AATK: variants seen among roughly 807,000 people sequenced by gnomAD.
AATK encodes the protein lemur tail kinase 1, also known as serine/threonine-protein kinase LMTK1.
AATK carries 91 observed loss-of-function variants against 114.3 expected under a neutral mutation model. The observed-to-expected ratio is 0.80, with a 90% CI of 0.67 to 0.95. AATK has a LOEUF of 0.95. AATK is among the 40% of genes least tolerant of loss of function. The pLI is 0.00. For missense variants in AATK, 2,176 were observed against 1,965.2 expected (o/e 1.11, Z -2.03); for synonymous variants, 1,075 against 916.5 (o/e 1.17, Z -3.12).
intron 2 of AATK, chr17:81,131,752 G>A (rs569942201): frequency 2.5e-5 from 30 of 1,179,910 alleles, no homozygotes; most frequent in Admixed American, 2.9e-5. Flanking sequence ...CTCCCATGGC[G>A]CAGCTTCGGG....
intron 13 of AATK, 58 bp downstream of exon 13, chr17:81,119,322 G>T: frequency 8.4e-7 from 1 of 1,193,220 alleles, no homozygotes; most frequent in Non-Finnish European, 1.1e-6. Context: ...CCCCACCCTC[G>T]GAGCTCCGTG....
chr17:81,162,496 T>C (rs1473259980), intron 1 of AATK, among the ~76,000 whole-genome samples: 1 of 152,134 alleles, frequency 6.6e-6, no homozygotes, highest in African/African-American at 2.4e-5. Context: ...GTGGGGCACC[T>C]TCCAAGGGGA....
chr17:81,119,688 C>T (rs2060667713), intron 12 of AATK, 108 bp from the exon 13 acceptor site: 17 of 796,014 alleles, frequency 2.1e-5, no homozygotes, highest in Non-Finnish European at 2.9e-5. Context: ...GTCACGGGCC[C>T]AGGCCCCGCC....
intron 1 of AATK, among the ~76,000 whole-genome samples, chr17:81,136,893 A>C (rs1396544142): frequency 1.3e-5 from 2 of 152,166 alleles, no homozygotes; most frequent in African/African-American, 2.4e-5. Flanking sequence ...AGAGCAGCAG[A>C]AACCACAGCG....
At chr17:81,164,670 G>A (rs914891843) in intron 1 of AATK, among the ~76,000 whole-genome samples, 4 of 152,190 alleles carry the variant, frequency 2.6e-5, no homozygotes, top group African/African-American at 9.7e-5. Context: ...ACCAAGCACC[G>A]TGGGCCACGC....
In AATK at chr17:81,118,278, G is replaced by T; in HGVS notation, c.*124C>A. ...TCTCCAGGACACCGCGTGGGGCAGA[G>T]GCACCTGAATCTGCTGCCAACAGCC... On this transcript the variant is annotated 3_prime_UTR_variant, in exon 14 of 14. Transcript: ENST00000326724. 1 of 989,838 alleles carries T rather than the reference G, an allele frequency of 1.0e-6. No individual in the cohort carries two copies. The highest frequency in any genetic ancestry group is 1.5e-6 in the Non-Finnish European group (1 of 658,420). 61.3% of individuals were successfully genotyped at this position (989,838 alleles called of 1,614,324 possible).
rs571822514 is a variant in AATK, at chr17:81,162,388, G to A, written c.55+3550C>T. On this transcript the variant is annotated intron_variant, in intron 1 of 13. Transcript: ENST00000326724. Reference sequence around the variant, plus strand: ...AGAGGAGGACAGGTAACTCCTCCCAGGGCAGGTGCTTGCTGCCTGAGCCTG... The same window carrying A: ...AGAGGAGGACAGGTAACTCCTCCCAAGGCAGGTGCTTGCTGCCTGAGCCTG... 4.6e-5 allele frequency among the ~76,000 whole-genome samples: 7 copies of A among 152,284 alleles called. No individual in the cohort carries two copies. The East Asian group carries it at 1.2e-3, about 25-fold the overall frequency.
intron 1 of AATK, among the ~76,000 whole-genome samples, chr17:81,155,411 G>A (rs556369677): frequency 1.3e-5 from 2 of 151,020 alleles, no homozygotes; most frequent in South Asian, 4.2e-4. Flanking sequence ...TTTTTGAGAC[G>A]CAGTCTCACT....
intron 1 of AATK, among the ~76,000 whole-genome samples, chr17:81,157,214 C>T (rs1294780254): frequency 1.3e-5 from 2 of 152,144 alleles, no homozygotes; most frequent in Non-Finnish European, 2.9e-5. Flanking sequence ...AGGCCAGCCA[C>T]GGTTATTTTT....
chr17:81,122,520 G>A lies in AATK; in HGVS notation c.1416C>T (p.Ser472=). The change falls in exon 11 of 14, where the codon AGC becomes AGT. Residue 472 remains serine, a synonymous_variant. Transcript: ENST00000326724. ...ACTTGTACTCAAAATTGAGGCCTCG[G>A]CTGGTCTCGGTCACCGTCAGCACGT... ...GDDVLTVTET[S]RGLNFEYKWE... 6.8e-7 allele frequency: 1 copy of A among 1,480,534 alleles called. No homozygotes were observed. The highest frequency in any genetic ancestry group is 1.2e-5 in the South Asian group (1 of 80,466). 91.7% of individuals were successfully genotyped at this position (1,480,534 alleles called of 1,614,324 possible).
chr17:81,131,889 C>T, intron 2 of AATK: 4 of 1,327,328 alleles, frequency 3.0e-6, no homozygotes, highest in Non-Finnish European at 4.0e-6. Context: ...CACCTTTACC[C>T]TGGGCAGCCC....
intron 13 of AATK, 119 bp downstream of exon 13, chr17:81,119,261 C>CGGGGCCGGGCA: frequency 9.2e-7 from 1 of 1,082,444 alleles, no homozygotes; most frequent in Non-Finnish European, 1.2e-6. Context: ...CGGGAAGGAG[C>CGGGGCCGGGCA]GGAGCGGAGC....
At chr17:81,125,080 G>A in intron 7 of AATK, 66 bp from the exon 8 acceptor site, 1 of 1,054,434 alleles carries the variant, frequency 9.5e-7, no homozygotes. Context: ...GGTGGGGGCA[G>A]GGGGAGGGTC....
Position 81,122,650 on chromosome 17 carries a change from C to T in AATK, c.1286G>A (p.Gly429Asp), listed in dbSNP as rs765480787. 12 of 1,468,350 alleles carry T rather than the reference C, an allele frequency of 8.2e-6. No individual in the cohort carries two copies. In the East Asian group the frequency reaches 3.2e-4, roughly 39 times the overall value. The allele number at this position is 1,468,350 out of a possible 1,614,324, so 91.0% of individuals were successfully genotyped here. Reference protein sequence around the residue: ...PGGGGVGPGPGAAGPMLGGVV... With the variant: ...PGGGGVGPGPDAAGPMLGGVV... Reference sequence around the variant, plus strand: ...GCCGCCCAGCATGGGCCCCGCCGCACCGGGCCCGGGCCCCACGCCGCCCCC... The same window carrying T: ...GCCGCCCAGCATGGGCCCCGCCGCATCGGGCCCGGGCCCCACGCCGCCCCC... The change falls in exon 11 of 14, where the codon GGT becomes GAT. Residue 429 changes from glycine (G) to aspartate (D), a missense_variant. Transcript: ENST00000326724.
intron 2 of AATK, 104 bp from the exon 3 acceptor site, chr17:81,131,309 G>C: frequency 7.1e-7 from 1 of 1,404,580 alleles, no homozygotes; most frequent in Non-Finnish European, 9.4e-7. Flanking sequence ...CCCAGGGCAG[G>C]GCAGGAGGGG....
chr17:81,140,250 G>A (rs529011548), intron 1 of AATK, among the ~76,000 whole-genome samples: 20 of 152,260 alleles, frequency 1.3e-4, no homozygotes, highest in African/African-American at 4.8e-4. Flanking sequence ...GGGAAGGCAG[G>A]GCCTTCACCC....
chr17:81,148,426 T>C (rs1322581430), intron 1 of AATK, among the ~76,000 whole-genome samples: 1 of 152,216 alleles, frequency 6.6e-6, no homozygotes, highest in Non-Finnish European at 1.5e-5. Flanking sequence ...GATGTGGTCC[T>C]TGGAGGAGCC....
At chr17:81,119,669 TCCC>T in intron 12 of AATK, 89 bp from the exon 13 acceptor site, 1 of 598,670 alleles carries the variant, frequency 1.7e-6, no homozygotes. Flanking sequence ...AGGCCCCGCC[TCCC>T]ATCATGTCAC....
rs192412140 is a variant in AATK at position 81,157,815 on chromosome 17, G to A, written c.55+8123C>T. Among the ~76,000 whole-genome samples, 146 of 152,316 alleles carry A rather than the reference G, an allele frequency of 9.6e-4. 4 individuals are homozygous for A. In the East Asian group the frequency reaches 0.026, roughly 27 times the overall value. On this transcript the variant is annotated intron_variant, in intron 1 of 13. Transcript: ENST00000326724. ...CAAGGGGCAGGCAGCTCCAGCTAAGGTCCCACAGCCCCCATCTCTTCGCTC... is the reference window on the plus strand; with the variant it reads ...CAAGGGGCAGGCAGCTCCAGCTAAGATCCCACAGCCCCCATCTCTTCGCTC...
Sources: allele counts gnomAD v4.1 joint callset (sites outside exome capture counted in the v4.1 genomes callset), GRCh38; gene constraint gnomAD v4.1.1; transcripts MANE v1.5; gene names NCBI Gene and HGNC (gene_info 2026-07-23, HGNC 2026-07-21).